Variants in BLTP1 observed in about 807,000 individuals in gnomAD.
The protein encoded by BLTP1 is fragile site-associated protein.
At chr4:122,354,177 C>T in the BLTP1 span, 1 of 191,908 alleles carries the variant, frequency 5.2e-6, no homozygotes, top group African/African-American at 2.4e-5. Context: ...TTAATACCAC[C>T]CTGGTAATGT....
At chr4:122,190,353 C>T in the BLTP1 span, 1 of 841,938 alleles carries the variant, frequency 1.2e-6, no homozygotes, top group Non-Finnish European at 1.4e-6. Context: ...GCCTCATTCT[C>T]CCAAAGTGCT....
chr4:122,343,438 C>T, the BLTP1 span: 1 of 1,613,970 alleles, frequency 6.2e-7, no homozygotes, highest in Non-Finnish European at 8.5e-7. Flanking sequence ...GCCCTCTTGG[C>T]CGAAGTCGAC....
the BLTP1 span, chr4:122,232,043 G>T: frequency 1.0e-6 from 1 of 984,594 alleles, no homozygotes; most frequent in Non-Finnish European, 1.2e-6. Context: ...ATTAGGTTAG[G>T]TGGTAGAGCA....
At chr4:122,355,598 T>TATGTATATATATACATATGTGTCC in the BLTP1 span, 1 of 150,962 alleles carries the variant, frequency 6.6e-6, no homozygotes, top group African/African-American at 2.4e-5. Context: ...TATATATACA[T>TATGTATATATATACATATGTGTCC]ATGTATATAT....
At chr4:122,328,019 A>G in the BLTP1 span, 1 of 1,054,510 alleles carries the variant, frequency 9.5e-7, no homozygotes. Context: ...ACTCTGAGAT[A>G]ATTTTTAAAT....
At chr4:122,318,729 G>T in the BLTP1 span, among the ~76,000 whole-genome samples, 3 of 152,226 alleles carry the variant, frequency 2.0e-5, no homozygotes, top group East Asian at 5.8e-4. Flanking sequence ...TTTTTTGCAG[G>T]TTTAGTCGGT....
the BLTP1 span, chr4:122,249,270 A>G: frequency 3.7e-6 from 2 of 542,344 alleles, no homozygotes; most frequent in Non-Finnish European, 4.7e-6. Context: ...AATTCATACT[A>G]CCTTTGAGCA....
chr4:122,359,336 A>G, the BLTP1 span: 6 of 972,514 alleles, frequency 6.2e-6, no homozygotes, highest in South Asian at 4.8e-5. Context: ...TATCAAGTCA[A>G]TGATCTCAGC....
the BLTP1 span, chr4:122,269,776 G>GT: frequency 3.0e-6 from 2 of 656,960 alleles, no homozygotes; most frequent in Non-Finnish European, 3.8e-6. Flanking sequence ...CTGGCATGTA[G>GT]TAAGTCCTCA....
the BLTP1 span, among the ~76,000 whole-genome samples, chr4:122,321,073 A>C: frequency 1.3e-5 from 2 of 151,088 alleles, no homozygotes; most frequent in Non-Finnish European, 2.9e-5. Context: ...ATCCCAATAA[A>C]CCCATAAGTT....
At chr4:122,245,651 A>G in the BLTP1 span, among the ~76,000 whole-genome samples, 6 of 152,136 alleles carry the variant, frequency 3.9e-5, no homozygotes, top group African/African-American at 1.4e-4. Context: ...GCTCTTCCAG[A>G]GCTTCTCCAT....
chr4:122,257,436 A>T, the BLTP1 span: 3 of 1,614,088 alleles, frequency 1.9e-6, no homozygotes, highest in Non-Finnish European at 1.7e-6. Flanking sequence ...GGATTGGACA[A>T]TGGGGGTGGT....
At chr4:122,251,822 T>G in the BLTP1 span, among the ~76,000 whole-genome samples, 1 of 152,208 alleles carries the variant, frequency 6.6e-6, no homozygotes, top group Admixed American at 6.5e-5. Flanking sequence ...TCCTTTCTTC[T>G]TGCTATTTGT....
At chr4:122,241,184 T>C in the BLTP1 span, among the ~76,000 whole-genome samples, 1 of 151,998 alleles carries the variant, frequency 6.6e-6, no homozygotes, top group African/African-American at 2.4e-5. Flanking sequence ...ATTTGAAGGA[T>C]GATGAGGAAT....
At chr4:122,170,528 A>G in the BLTP1 span, 3 of 1,365,540 alleles carry the variant, frequency 2.2e-6, no homozygotes, top group Non-Finnish European at 2.9e-6. Flanking sequence ...AACTTCGTTT[A>G]TTAAATTCAC....
chr4:122,309,262 G>A, the BLTP1 span: 1 of 1,605,154 alleles, frequency 6.2e-7, no homozygotes, highest in Non-Finnish European at 8.5e-7. Flanking sequence ...AATATATTTT[G>A]CAGTCTAATC....
At chr4:122,177,936 C>T in the BLTP1 span, 2 of 170,964 alleles carry the variant, frequency 1.2e-5, no homozygotes, top group African/African-American at 4.8e-5. Flanking sequence ...ATCTACCTAA[C>T]TTGAATGAAG....
At chr4:122,342,623 G>C in the BLTP1 span, among the ~76,000 whole-genome samples, 1 of 152,206 alleles carries the variant, frequency 6.6e-6, no homozygotes, top group African/African-American at 2.4e-5. Context: ...CAGAGTGCTG[G>C]GATTATAGGC....
chr4:122,247,346 T>C, the BLTP1 span: 1 of 1,613,158 alleles, frequency 6.2e-7, no homozygotes. Context: ...CTTAGGGGTC[T>C]TGATACAACA....
Sources: gnomAD v4.1 joint callset for allele counts (sites outside exome capture counted in the v4.1 genomes callset) on GRCh38, gnomAD v4.1.1 for gene constraint, MANE v1.5 for transcripts, NCBI Gene and HGNC (gene_info 2026-07-23, HGNC 2026-07-21) for gene names.